XPNPEP1: variants seen among roughly 807,000 people sequenced by gnomAD.
XPNPEP1 encodes X-prolyl aminopeptidase 1, also known as xaa-Pro aminopeptidase 1.
XPNPEP1 carries 39 observed loss-of-function variants against 92.4 expected under a neutral mutation model. The observed-to-expected ratio is 0.42, with a 90% CI of 0.33 to 0.55. The LOEUF is 0.55. Ranked by LOEUF, XPNPEP1 falls within the 20% of genes least tolerant of loss-of-function variation. XPNPEP1 has a pLI of 0.08. For synonymous variants in XPNPEP1, 307 were observed against 299.4 expected, an observed-to-expected ratio of 1.03 and a Z score of -0.26; for missense variants, 654 against 856.1, an observed-to-expected ratio of 0.76 and a Z score of 2.95.
At chr10:109,868,758 T>A in intron 19 of XPNPEP1, 46 bp from the exon 20 acceptor site, 1 of 1,557,320 alleles carries the variant, frequency 6.4e-7, no homozygotes. Flanking sequence ...CTCTTTACTA[T>A]GCTGAAGCAC....
At chr10:109,916,266 A>G (rs1386418017) in intron 1 of XPNPEP1, among the ~76,000 whole-genome samples, 2 of 152,230 alleles carry the variant, frequency 1.3e-5, no homozygotes, top group African/African-American at 4.8e-5. Flanking sequence ...GTGAACGGCT[A>G]GGGGAACAAT....
At chr10:109,874,062 T>G (rs1847637077) in intron 15 of XPNPEP1, among the ~76,000 whole-genome samples, 1 of 152,208 alleles carries the variant, frequency 6.6e-6, no homozygotes, top group Admixed American at 6.5e-5. Flanking sequence ...TGCTGATGGC[T>G]GCAAAACTCT....
Position 109,864,837 on chromosome 10 carries a change from T to G in XPNPEP1, c.*347A>C. 1 of 314,944 alleles carries G rather than the reference T, an allele frequency of 3.2e-6. No homozygotes were observed. Among genetic ancestry groups the G allele is most frequent in the East Asian group, 7.4e-5 (1 of 13,562 alleles). 19.5% of individuals were successfully genotyped at this position (314,944 alleles called of 1,614,324 possible). A position where few individuals can be genotyped will look rare whatever the true frequency, so the allele number is the denominator to read the frequency against. On this transcript the variant is annotated 3_prime_UTR_variant, in exon 21 of 21. Transcript: ENST00000502935. ...AGCATTAAGGTGATCATGAATGATG[T>G]ACTAGCACCTGGAACATGACCATCA...
Position 109,888,381 on chromosome 10 carries a change from T to A in XPNPEP1, c.508+122A>T, listed in dbSNP as rs1190031638. 3.2e-6 allele frequency: 4 copies of A among 1,233,590 alleles called. No individual in the cohort carries two copies. In the South Asian group the frequency reaches 4.6e-5, roughly 14 times the overall value. 76.4% of individuals were successfully genotyped at this position (1,233,590 alleles called of 1,614,324 possible). ...GAACTCTTCTCTTCACCCTGACCTC[T>A]ACTATAAAATCAGTCATGCTGAGCC... On this transcript the variant is annotated intron_variant, in intron 6 of 20. Transcript: ENST00000502935.
chr10:109,873,992 T>C (rs533771092), intron 15 of XPNPEP1, among the ~76,000 whole-genome samples: 2 of 152,164 alleles, frequency 1.3e-5, no homozygotes, highest in Non-Finnish European at 2.9e-5. Flanking sequence ...AAGGGGGTAG[T>C]GACCGCTATT....
At chr10:109,918,833 G>GAGGAAGGA (rs1210266532) in intron 1 of XPNPEP1, among the ~76,000 whole-genome samples, 9 of 112,814 alleles carry the variant, frequency 8.0e-5, no homozygotes, top group East Asian at 2.7e-4. Context: ...GAAAGGAAAG[G>GAGGAAGGA]AGGAAGGAAG....
In XPNPEP1 at chr10:109,868,876, C is replaced by A. The variant is rs535432332; in HGVS notation, c.1774-164G>T. On this transcript the variant is annotated intron_variant, in intron 19 of 20. Transcript: ENST00000502935. Reference sequence around the variant, plus strand: ...TCACAGACACACAAGGAACCTGATGCCATTTTCCAAGAGCTCCTCCACTGG... The same window carrying A: ...TCACAGACACACAAGGAACCTGATGACATTTTCCAAGAGCTCCTCCACTGG... Among the ~76,000 whole-genome samples, 3 of 152,300 alleles carry A rather than the reference C, an allele frequency of 2.0e-5. No homozygotes were observed. The South Asian group carries it at 6.2e-4, about 32-fold the overall frequency.
chr10:109,892,463 T>C (rs2133449646), intron 4 of XPNPEP1: 1 of 156,740 alleles, frequency 6.4e-6, no homozygotes, highest in African/African-American at 2.4e-5. Flanking sequence ...GCTCCCACCT[T>C]GTCCAGCTTG....
At chr10:109,871,730 T>C (rs1329151303) in intron 17 of XPNPEP1, 62 bp downstream of exon 17, 6 of 1,566,616 alleles carry the variant, frequency 3.8e-6, no homozygotes, top group African/African-American at 1.4e-5. Flanking sequence ...CACTCAAACA[T>C]AGACATATTT....
chr10:109,905,402 G>C (rs1849505745), intron 3 of XPNPEP1, among the ~76,000 whole-genome samples: 2 of 152,094 alleles, frequency 1.3e-5, no homozygotes, highest in Non-Finnish European at 2.9e-5. Context: ...TAGAGATGGG[G>C]TTTCACCATG....
At position 109,882,646 on chromosome 10, in the gene XPNPEP1, C is replaced by A; in HGVS notation, c.831-4G>T. On this transcript the variant is annotated splice_polypyrimidine_tract_variant and splice_region_variant and intron_variant, in intron 9 of 20. Coordinates refer to ENST00000502935, the MANE Select transcript of XPNPEP1 (RefSeq NM_020383.4). ...GCGGTCACCATCAATGAAGAGCCTG[C>A]AGATGGAGGAGAGGTGGGTGGCAGA... The A allele has an allele frequency of 1.9e-6, 3 of 1,613,942 alleles. No individual in the cohort carries two copies. The highest frequency in any genetic ancestry group is 1.7e-5 in the Admixed American group (1 of 60,022).
chr10:109,888,763 G>A (rs1270387389), intron 5 of XPNPEP1, among the ~76,000 whole-genome samples, 168 bp from the exon 6 acceptor site: 1 of 152,206 alleles, frequency 6.6e-6, no homozygotes, highest in East Asian at 1.9e-4. Context: ...AATCCTGGAA[G>A]GCTACAGAGA....
chr10:109,883,955 G>A, intron 9 of XPNPEP1, 112 bp downstream of exon 9: 6 of 888,524 alleles, frequency 6.8e-6, no homozygotes, highest in Non-Finnish European at 1.0e-5. Context: ...CAAGAAAAAA[G>A]AAGCACATCA....
At chr10:109,865,644 T>C (rs868070544) in intron 20 of XPNPEP1, among the ~76,000 whole-genome samples, 34 of 152,300 alleles carry the variant, frequency 2.2e-4, no homozygotes, top group African/African-American at 7.9e-4. Flanking sequence ...AGTGGGGGAA[T>C]AGCCCCGGAC....
Position 109,891,782 on chromosome 10 carries a change from C to T in XPNPEP1, c.355G>A (p.Gly119Arg). Residue 119 changes from glycine (G) to arginine (R), a missense_variant, in exon 5 of 21, where the codon GGG becomes AGG. Coordinates refer to ENST00000502935, the MANE Select transcript of XPNPEP1 (RefSeq NM_020383.4). Reference sequence around the variant, plus strand: ...TTGGCAGCCTGGAGAAAGTAGCGCCCGTCAGTCCACATGGCTGCATGCTCT... The same window carrying T: ...TTGGCAGCCTGGAGAAAGTAGCGCCTGTCAGTCCACATGGCTGCATGCTCT... ...TEEHAAMWTD[G>R]RYFLQAAKQM... is the part of the protein sequence containing the mutation. The T allele has an allele frequency of 1.9e-6, 3 of 1,601,236 alleles. No individual in the cohort carries two copies. The highest frequency in any genetic ancestry group is 1.7e-6 in the Non-Finnish European group (2 of 1,176,374).
At chr10:109,889,599 C>T (rs1010900871) in intron 5 of XPNPEP1, among the ~76,000 whole-genome samples, 1 of 152,246 alleles carries the variant, frequency 6.6e-6, no homozygotes, top group African/African-American at 2.4e-5. Context: ...AAAATTACTT[C>T]TATAGTCCAG....
intron 3 of XPNPEP1, among the ~76,000 whole-genome samples, chr10:109,894,355 A>G (rs1376190019): frequency 6.6e-6 from 1 of 151,456 alleles, no homozygotes; most frequent in Non-Finnish European, 1.5e-5. Context: ...GCATGGTGAA[A>G]CCTCATGTCT....
chr10:109,908,314 CAG>C (rs1849665705), intron 2 of XPNPEP1, among the ~76,000 whole-genome samples: 1 of 152,208 alleles, frequency 6.6e-6, no homozygotes. Context: ...TGATTAAAAA[CAG>C]ATGACAGGCT....
rs1377303695 is a variant in XPNPEP1 at position 109,923,401 on chromosome 10, C to A, written c.32+1G>T. 1 of 1,440,900 alleles carries A rather than the reference C, an allele frequency of 6.9e-7. No individual in the cohort carries two copies. Among genetic ancestry groups the A allele is most frequent in the South Asian group, 1.3e-5 (1 of 76,840 alleles). The allele number at this position is 1,440,900 out of a possible 1,614,324, so 89.3% of individuals were successfully genotyped here. A position where few individuals can be genotyped will look rare whatever the true frequency, so the allele number is the denominator to read the frequency against. On this transcript the variant is annotated splice_donor_variant, in intron 1 of 20. Transcript: ENST00000502935. LOFTEE classifies it high-confidence loss of function. ...GCCGGCTGCCGGCGGAGTGCCCTCA[C>A]CTTACTCGCGGTGGCTTTCTGGAGG...
Sources: gnomAD v4.1 joint callset for allele counts (sites outside exome capture counted in the v4.1 genomes callset) on GRCh38, gnomAD v4.1.1 for gene constraint, MANE v1.5 for transcripts, NCBI Gene and HGNC (gene_info 2026-07-23, HGNC 2026-07-21) for gene names.